LRRK1: variants seen among roughly 807,000 people sequenced by gnomAD.
LRRK1 encodes leucine rich repeat kinase 1, also known as leucine-rich repeat serine/threonine-protein kinase 1.
A neutral mutation model predicts 209.1 loss-of-function variants in LRRK1; 113 were observed. The ratio of observed to expected loss-of-function variants is 0.54; its 90% CI spans 0.46 to 0.63. The LOEUF is 0.63. Ranked by LOEUF, LRRK1 falls within the 30% of genes least tolerant of loss-of-function variation. LRRK1 has a pLI of 0.00. For synonymous variants in LRRK1, 1,144 were observed against 1,099.7 expected (o/e 1.04, Z -0.80); for missense variants, 2,284 against 2,632.2 (o/e 0.87, Z 2.89).
intron 3 of LRRK1, 64 bp from the exon 4 acceptor site, chr15:100,983,464 G>GTC: frequency 1.4e-6 from 2 of 1,459,138 alleles, no homozygotes; most frequent in Non-Finnish European, 1.9e-6. Context: ...AGGGTTTAAC[G>GTC]TCAGTTGTCT....
At chr15:100,965,153 T>C (rs1225670962) in intron 2 of LRRK1, among the ~76,000 whole-genome samples, 1 of 152,130 alleles carries the variant, frequency 6.6e-6, no homozygotes, top group Non-Finnish European at 1.5e-5. Flanking sequence ...TATTACTCTT[T>C]CAGAATACTG....
chr15:101,014,871 AGCCCCT>A (rs1226639286), intron 11 of LRRK1, among the ~76,000 whole-genome samples: 2 of 152,376 alleles, frequency 1.3e-5, no homozygotes, highest in Non-Finnish European at 2.9e-5. Context: ...GGGGGGAAAC[AGCCCCT>A]AATGGTGTCC....
intron 2 of LRRK1, among the ~76,000 whole-genome samples, chr15:100,956,455 C>CTTTTTCTTTTTTTTTT: frequency 1.5e-4 from 9 of 60,520 alleles, no homozygotes; most frequent in East Asian, 4.7e-4. Context: ...TTTTTTTTTT[C>CTTTTTCTTTTTTTTTT]TTTTTTTTTT....
intron 21 of LRRK1, 84 bp from the exon 22 acceptor site, chr15:101,048,410 G>T: frequency 3.2e-6 from 4 of 1,253,588 alleles, no homozygotes; most frequent in Non-Finnish European, 4.4e-6. Context: ...TCAAGATGGG[G>T]CCCAGCCCGG....
intron 31 of LRRK1, among the ~76,000 whole-genome samples, chr15:101,063,216 G>C (rs1467231623): frequency 1.3e-5 from 2 of 152,152 alleles, no homozygotes; most frequent in African/African-American, 2.4e-5. Flanking sequence ...CTTTCTAAAT[G>C]AGACCCCAAG....
At chr15:101,052,178 A>C (rs1384103230) in intron 24 of LRRK1, among the ~76,000 whole-genome samples, 1 of 152,228 alleles carries the variant, frequency 6.6e-6, no homozygotes, top group Non-Finnish European at 1.5e-5. Context: ...GATAGGCCCA[A>C]CTGGGAAGAG....
At chr15:101,067,004 A>G (rs910606054) in intron 33 of LRRK1, among the ~76,000 whole-genome samples, 4 of 152,102 alleles carry the variant, frequency 2.6e-5, no homozygotes, top group African/African-American at 9.7e-5. Context: ...TACCTAACGA[A>G]TGTCTCCAGG....
intron 20 of LRRK1, among the ~76,000 whole-genome samples, chr15:101,041,938 C>G (rs183237563): frequency 7.9e-5 from 12 of 152,258 alleles, no homozygotes; most frequent in African/African-American, 2.4e-4. Flanking sequence ...CTCTCTCTCT[C>G]TCTTTCTAAA....
Position 101,048,507 on chromosome 15 carries a change from A to G in LRRK1, c.3149A>G (p.Lys1050Arg). Residue 1050 changes from lysine (K) to arginine (R), a missense_variant, in exon 22 of 34, where the codon AAG becomes AGG. Physicochemically the swap from Lys to Arg is conservative, Grantham distance 26. Transcript: ENST00000388948. ...TCTGTCTTTCAGCTTTTTGAAAACA[A>G]GAAGAATACTAAAAGCAGGAACAGG... ...AEMDLQLFEN[K>R]KNTKSRNRKV... The G allele has an allele frequency of 6.2e-7, 1 of 1,600,692 alleles. No individual in the cohort carries two copies. Among genetic ancestry groups the G allele is most frequent in the Non-Finnish European group, 8.5e-7 (1 of 1,175,960 alleles).
intron 2 of LRRK1, 27 bp downstream of exon 2, chr15:100,924,756 G>C (rs1470332582): frequency 6.4e-7 from 1 of 1,573,212 alleles, no homozygotes; most frequent in Non-Finnish European, 8.7e-7. Context: ...GCTTATGCCT[G>C]CCTGGGTGTG....
At chr15:100,966,301 C>T (rs1442475883) in intron 2 of LRRK1, among the ~76,000 whole-genome samples, 2 of 152,154 alleles carry the variant, frequency 1.3e-5, no homozygotes, top group Non-Finnish European at 2.9e-5. Context: ...TTATTGTTTT[C>T]TGTGGCGGTG....
Position 101,053,357 on chromosome 15 carries a change from T to C in LRRK1, c.3991T>C (p.Cys1331Arg). The change falls in exon 26 of 34, where the codon TGC becomes CGC. Residue 1331 changes from cysteine to arginine, a missense_variant. Coordinates refer to ENST00000388948, the MANE Select transcript of LRRK1 (RefSeq NM_024652.6). The stretch of plus-strand genomic sequence containing the variant: ...CATCGGCATCAGCATCCACCCGCTC[T>C]GCTTCGCCCTGGAGCTCGCGCCGCT... Reference protein sequence around the residue: ...ALIGISIHPLCFALELAPLSS... With the variant: ...ALIGISIHPLRFALELAPLSS... 2 of 1,602,448 alleles carry C rather than the reference T, an allele frequency of 1.2e-6. No individual in the cohort carries two copies. The highest frequency in any genetic ancestry group is 8.5e-7 in the Non-Finnish European group (1 of 1,179,880).
chr15:100,933,143 C>T (rs1358144393), intron 2 of LRRK1, among the ~76,000 whole-genome samples: 1 of 152,192 alleles, frequency 6.6e-6, no homozygotes, highest in African/African-American at 2.4e-5. Flanking sequence ...TTATTTTGCC[C>T]TCTCCTGCGA....
chr15:101,020,649 C>T (rs769160598), intron 12 of LRRK1, among the ~76,000 whole-genome samples: 1 of 152,218 alleles, frequency 6.6e-6, no homozygotes, highest in Non-Finnish European at 1.5e-5. Flanking sequence ...GCTAGGATTA[C>T]AGGCGTGAGC....
rs1412941091 is a variant in LRRK1 at position 101,065,374 on chromosome 15, G to A, written c.4937G>A (p.Gly1646Asp). The change falls in exon 32 of 34, where the codon GGC (glycine) becomes GAC (aspartate). Residue 1646 changes from glycine to aspartate, a missense_variant. By Grantham distance (94) the Gly-to-Asp change is moderately conservative (BLOSUM62 -1). Around this residue, in one of 6 missense-constraint regions of LRRK1, gnomAD observed 643 missense variants for 695.9 expected, o/e 0.92. Transcript: ENST00000388948. ...CAGAATTCCTACCTGGTCTTAGCGG[G>A]CCTCGCCGATGGGCTTGTGGCTGTG... is the stretch of plus-strand genomic sequence containing the variant. ...IKKNSYLVLAGLADGLVAVFP... is the reference protein window; with the variant it reads ...IKKNSYLVLADLADGLVAVFP... The A allele has an allele frequency of 6.2e-7, 1 of 1,613,716 alleles. No individual in the cohort carries two copies. Among genetic ancestry groups the A allele is most frequent in the Admixed American group, 1.7e-5 (1 of 60,006 alleles).
intron 2 of LRRK1, among the ~76,000 whole-genome samples, chr15:100,952,542 A>G (rs2042675224): frequency 6.6e-6 from 1 of 152,196 alleles, no homozygotes; most frequent in South Asian, 2.1e-4. Flanking sequence ...GGATCTGATC[A>G]TATATTTTTC....
intron 2 of LRRK1, among the ~76,000 whole-genome samples, chr15:100,930,859 G>T (rs1218525475): frequency 6.6e-6 from 1 of 152,208 alleles, no homozygotes; most frequent in Non-Finnish European, 1.5e-5. Context: ...TGGGAATGGA[G>T]CCCTCCCACC....
rs1372284396 is a variant in LRRK1, at chr15:101,070,825, G to A, written c.*1977G>A. On this transcript the variant is annotated 3_prime_UTR_variant, in exon 34 of 34. Coordinates refer to ENST00000388948, the MANE Select transcript of LRRK1 (RefSeq NM_024652.6). ...AAAAAAAATACAGGAAATGACTAAT[G>A]AACTTGACTCCATGAAATTGAAACT... The A allele has an allele frequency of 2.7e-5, 4 of 150,252 alleles. No homozygotes were observed. Among genetic ancestry groups the A allele is most frequent in the Non-Finnish European group, 5.9e-5 (4 of 67,712 alleles). The allele number at this position is 150,252 out of a possible 1,614,324, so 9.3% of individuals were successfully genotyped here.
chr15:101,053,232 T>C lies in LRRK1; in HGVS notation c.3866T>C (p.Leu1289Pro), dbSNP rs2035580324. The C allele has an allele frequency of 6.2e-7, 1 of 1,605,778 alleles. No individual in the cohort carries two copies. ...NFANVPADTMLRHLRATDAMK... is the reference protein window; with the variant it reads ...NFANVPADTMPRHLRATDAMK... ...GCGCTGTCCCTGGCAGACACCATGC[T>C]GAGGCACCTGCGGGCCACCGATGCC... is the stretch of plus-strand genomic sequence containing the variant. Residue 1289 changes from leucine to proline, a missense_variant, in exon 26 of 34, where the codon CTG becomes CCG. Transcript: ENST00000388948.
Sources: gnomAD v4.1 joint callset for allele counts (sites outside exome capture counted in the v4.1 genomes callset) on GRCh38, gnomAD v4.1.1 for gene constraint, gnomAD v4.1.1 regional missense constraint, MANE v1.5 for transcripts, NCBI Gene and HGNC (gene_info 2026-07-23, HGNC 2026-07-21) for gene names.